GALNT12: variants seen among roughly 807,000 people sequenced by gnomAD.
GALNT12 encodes UDP-GalNAc:polypeptide N-acetylgalactosaminyltransferase 12.
In GALNT12, 45 loss-of-function variants were observed where a neutral mutation model predicts 55.5. The ratio of observed to expected loss-of-function variants is 0.81; its 90% CI spans 0.64 to 1.04. The LOEUF (loss-of-function observed/expected upper bound fraction) is 1.04, where lower values mean the gene tolerates loss of function less well. Among genes scored for constraint, GALNT12 ranks in the 50% least tolerant of loss-of-function variants. The pLI, the probability that GALNT12 is intolerant of heterozygous loss-of-function variation, is 0.00. For synonymous variants in GALNT12, 304 were observed against 312.2 expected, an observed-to-expected ratio of 0.97 and a Z score of 0.28; for missense variants, 709 against 754.8, an observed-to-expected ratio of 0.94 and a Z score of 0.71.
intron 2 of GALNT12, among the ~76,000 whole-genome samples, chr9:98,825,255 A>G (rs534169876): frequency 7.9e-5 from 12 of 152,270 alleles, no homozygotes; most frequent in African/African-American, 2.2e-4. Flanking sequence ...TTATTTTATA[A>G]TAATGGGATT....
chr9:98,842,886 GTATT>G (rs1479421881), intron 7 of GALNT12, among the ~76,000 whole-genome samples: 2 of 152,090 alleles, frequency 1.3e-5, no homozygotes, highest in East Asian at 3.9e-4. Flanking sequence ...ATTAATATAA[GTATT>G]TATTCATTGA....
At position 98,807,696 on chromosome 9, in the gene GALNT12, C is replaced by A. The variant is rs1210947651; in HGVS notation, c.-3C>A. 8.8e-6 allele frequency: 10 copies of A among 1,140,390 alleles called. No homozygotes were observed. The highest frequency in any genetic ancestry group is 1.1e-5 in the Non-Finnish European group (10 of 931,648). 70.6% of individuals were successfully genotyped at this position (1,140,390 alleles called of 1,614,324 possible). On this transcript the variant is annotated 5_prime_UTR_variant, in exon 1 of 10. Transcript: ENST00000375011. ...CAGATCGCTGGCTGCAGTTGGCGGG[C>A]GCATGTGGGGGCGCACGGCGCGGCG...
chr9:98,814,862 G>A (rs1835576930), intron 1 of GALNT12, among the ~76,000 whole-genome samples: 2 of 152,310 alleles, frequency 1.3e-5, no homozygotes, highest in Non-Finnish European at 2.9e-5. Context: ...TGCCTCTCCT[G>A]TATTAAGCAC....
At chr9:98,838,222 G>A (rs1320063889) in intron 6 of GALNT12, among the ~76,000 whole-genome samples, 1 of 152,188 alleles carries the variant, frequency 6.6e-6, no homozygotes, top group Non-Finnish European at 1.5e-5. Flanking sequence ...ATTTCCAGAT[G>A]GAAGGACTAC....
intron 2 of GALNT12, among the ~76,000 whole-genome samples, chr9:98,826,042 G>T (rs981837244): frequency 1.3e-5 from 2 of 151,994 alleles, no homozygotes; most frequent in Admixed American, 6.6e-5. Flanking sequence ...CTCTCACTCC[G>T]GTGGCTGCTC....
chr9:98,833,816 T>TG (rs1170465711), intron 4 of GALNT12, among the ~76,000 whole-genome samples: 10 of 152,238 alleles, frequency 6.6e-5, no homozygotes, highest in African/African-American at 2.4e-4. Context: ...CATGAATTCA[T>TG]GGGGGTCCAT....
chr9:98,823,506 TA>T lies in GALNT12; in HGVS notation c.541+84del, dbSNP rs984682543. The T allele has an allele frequency of 4.0e-5, 51 of 1,265,204 alleles. No individual in the cohort carries two copies. The African/African-American group carries it at 6.9e-4, about 17-fold the overall frequency. 78.4% of individuals were successfully genotyped at this position (1,265,204 alleles called of 1,614,324 possible). Reference sequence around the variant, plus strand: ...AGGTGAGAGTGGGATGCAGGAGGGCTAAAGTAGGCCCAGTAAGGATGGGCTT... The same window carrying T: ...AGGTGAGAGTGGGATGCAGGAGGGCTAAGTAGGCCCAGTAAGGATGGGCTT... On this transcript the variant is annotated intron_variant, in intron 2 of 9. Coordinates refer to ENST00000375011, the MANE Select transcript of GALNT12 (RefSeq NM_024642.5).
Position 98,831,871 on chromosome 9 carries a change from C to T in GALNT12, c.831C>T (p.Gly277=), listed in dbSNP as rs145133746. 82 of 1,614,144 alleles carry T rather than the reference C, an allele frequency of 5.1e-5. 1 individual carries two copies. In the East Asian group the frequency reaches 1.6e-3, roughly 31 times the overall value. The change falls in exon 4 of 10, where the codon GGC becomes GGT. Residue 277 remains glycine (G), a synonymous_variant. Transcript: ENST00000375011. The part of the protein sequence containing the change: ...YLGNSGEPQI[G]GFDWRLVFTW... The stretch of plus-strand genomic sequence containing the variant: ...GGAACTCCGGGGAGCCCCAGATCGG[C>T]GGTTTCGACTGGAGGCTGGTGTTCA...
At chr9:98,848,531 C>G (rs1588461002) in intron 9 of GALNT12, among the ~76,000 whole-genome samples, 1 of 152,208 alleles carries the variant, frequency 6.6e-6, no homozygotes, top group Non-Finnish European at 1.5e-5. Context: ...TCCATCTGGT[C>G]TGTGGCTGAG....
At position 98,832,031 on chromosome 9, in the gene GALNT12, C is replaced by T. The variant is rs1015338170; in HGVS notation, c.917+74C>T. ...AATCTGGCTGACCTGTGAGCGGAGG[C>T]CCTCGGGAGGAATGGTTAGCTGTCA... On this transcript the variant is annotated intron_variant, in intron 4 of 9. Coordinates refer to ENST00000375011, the MANE Select transcript of GALNT12 (RefSeq NM_024642.5). 95 of 1,312,144 alleles carry T rather than the reference C, an allele frequency of 7.2e-5. No homozygotes were observed. In the African/African-American group the frequency reaches 9.2e-4, roughly 13 times the overall value. The allele number at this position is 1,312,144 out of a possible 1,614,324, so 81.3% of individuals were successfully genotyped here.
rs778075539 is a variant in GALNT12 at position 98,823,438 on chromosome 9, C to T, written c.541+13C>T. The T allele has an allele frequency of 4.3e-6, 7 of 1,612,642 alleles. No individual in the cohort carries two copies. The highest frequency in any genetic ancestry group is 5.9e-6 in the Non-Finnish European group (7 of 1,178,730). Reference sequence around the variant, plus strand: ...TACAGTGATAGAGGTGAGTCCCGGCCAGGGCTCTGGGAAGAGCCTGTCCTT... The same window carrying T: ...TACAGTGATAGAGGTGAGTCCCGGCTAGGGCTCTGGGAAGAGCCTGTCCTT... On this transcript the variant is annotated intron_variant, in intron 2 of 9. Transcript: ENST00000375011.
intron 1 of GALNT12, among the ~76,000 whole-genome samples, chr9:98,819,210 C>T (rs1157532007): frequency 1.3e-5 from 2 of 152,224 alleles, no homozygotes; most frequent in African/African-American, 4.8e-5. Flanking sequence ...TAAAATATAT[C>T]CACAAATTCT....
chr9:98,811,637 G>T (rs969609750), intron 1 of GALNT12, among the ~76,000 whole-genome samples: 2 of 151,860 alleles, frequency 1.3e-5, no homozygotes, highest in African/African-American at 2.4e-5. Context: ...CTGAGTTCAG[G>T]GGTCAGGATT....
chr9:98,821,570 A>T lies in GALNT12; in HGVS notation c.372-1686A>T, dbSNP rs944756766. 3.5e-5 allele frequency among the ~76,000 whole-genome samples: 5 copies of T among 142,588 alleles called. No homozygotes were observed. In the Admixed American group the frequency reaches 3.7e-4, roughly 11 times the overall value. 93.5% of individuals were successfully genotyped at this position (142,588 alleles called of 152,430 possible). A position where few individuals can be genotyped will look rare whatever the true frequency, so the allele number is the denominator to read the frequency against. ...AACCCGGGAGGCAGAGCTTGCAGTG[A>T]GCCGAGATCGTGCCACCGCACTCCA... On this transcript the variant is annotated intron_variant, in intron 1 of 9. Coordinates refer to ENST00000375011, the MANE Select transcript of GALNT12 (RefSeq NM_024642.5).
At chr9:98,825,690 A>C (rs187817702) in intron 2 of GALNT12, among the ~76,000 whole-genome samples, 24 of 152,344 alleles carry the variant, frequency 1.6e-4, no homozygotes, top group Admixed American at 5.2e-4. Context: ...TTTTTAAAAA[A>C]TTGGCTGGGT....
chr9:98,842,642 C>T (rs1049306749), intron 7 of GALNT12, among the ~76,000 whole-genome samples: 1 of 152,122 alleles, frequency 6.6e-6, no homozygotes, highest in African/African-American at 2.4e-5. Context: ...CATTTCCTGC[C>T]ATTCCTCCCA....
At chr9:98,813,322 T>G (rs1195390533) in intron 1 of GALNT12, among the ~76,000 whole-genome samples, 1 of 152,272 alleles carries the variant, frequency 6.6e-6, no homozygotes, top group East Asian at 1.9e-4. Flanking sequence ...CCCAGATCTC[T>G]CTGTCATTCT....
At chr9:98,837,297 T>C in intron 6 of GALNT12, 149 bp downstream of exon 6, 1 of 777,232 alleles carries the variant, frequency 1.3e-6, no homozygotes, top group South Asian at 1.4e-5. Context: ...TATTCCTCCA[T>C]TTATAATAAT....
intron 9 of GALNT12, among the ~76,000 whole-genome samples, chr9:98,847,953 C>T (rs767889747): frequency 5.3e-5 from 8 of 151,770 alleles, no homozygotes; most frequent in African/African-American, 1.5e-4. Context: ...GCTGGGACTA[C>T]AGGCGCCCGC....
Sources: allele counts gnomAD v4.1 joint callset (sites outside exome capture counted in the v4.1 genomes callset), GRCh38; gene constraint gnomAD v4.1.1; transcripts MANE v1.5; gene names NCBI Gene and HGNC (gene_info 2026-07-23, HGNC 2026-07-21).